NAIF1: variants seen among roughly 807,000 people sequenced by gnomAD.
The protein encoded by NAIF1 is nuclear apoptosis-inducing factor 1.
A neutral mutation model predicts 20.7 loss-of-function variants in NAIF1; 14 were observed. The observed-to-expected ratio is 0.67, with a 90% confidence interval of 0.45 to 1.05. The LOEUF is 1.05. Ranked by LOEUF, NAIF1 falls within the 50% of genes least tolerant of loss-of-function variation. The probability of loss-of-function intolerance (pLI) is 0.00; values close to 1 mark genes in which losing one functional copy is unlikely to be tolerated. For missense variants in NAIF1, 362 were observed against 448.8 expected, an observed-to-expected ratio of 0.81 and a Z score of 1.75; for synonymous variants, 191 against 191.4, an observed-to-expected ratio of 1.00 and a Z score of 0.02.
intron 1 of NAIF1, among the ~76,000 whole-genome samples, chr9:128,065,389 T>C (rs1832766358): frequency 6.6e-6 from 1 of 152,098 alleles, no homozygotes; most frequent in Admixed American, 6.6e-5. Flanking sequence ...AGTGCTGGGA[T>C]TACAGGAGTG....
Position 128,062,784 on chromosome 9 carries a change from AT to A in NAIF1, c.*643del, listed in dbSNP as rs1455162215. 4 of 154,248 alleles carry A rather than the reference AT, an allele frequency of 2.6e-5. No homozygotes were observed. Among genetic ancestry groups the A allele is most frequent in the African/African-American group, 9.7e-5 (4 of 41,418 alleles). The allele number at this position is 154,248 out of a possible 1,614,324, so 9.6% of individuals were successfully genotyped here. ...CCAAACCGTCCCCACCATACACAGC[AT>A]TCCTGAGCCAGACTGGCTGCACACT... On this transcript the variant is annotated 3_prime_UTR_variant, in exon 2 of 2. Coordinates refer to ENST00000373078, the MANE Select transcript of NAIF1 (RefSeq NM_197956.4).
At chr9:128,066,081 GATGAATGAATGA>G (rs111280567) in intron 1 of NAIF1, 1 of 153,210 alleles carries the variant, frequency 6.5e-6, no homozygotes, top group East Asian at 1.9e-4. Context: ...GCTAATGTTT[GATGAATGAATGA>G]ATGAATGAAT....
At chr9:128,066,095 T>C (rs1832774030) in intron 1 of NAIF1, 1 of 154,410 alleles carries the variant, frequency 6.5e-6, no homozygotes, top group Non-Finnish European at 1.4e-5. Context: ...AATGAATGAA[T>C]GAATGAATGG....
rs1832787536 is a variant in NAIF1 at position 128,066,780 on chromosome 9, C to T, written c.322G>A (p.Gly108Arg). ...CCGCCACCACTGCCACCGCCTGTCCCAGGCCCCCCAGCTCCGTCCTCCTCA... is the reference window on the plus strand; with the variant it reads ...CCGCCACCACTGCCACCGCCTGTCCTAGGCCCCCCAGCTCCGTCCTCCTCA... ...PTEEDGAGGP[G>R]TGGGSGGGGP... Residue 108 changes from glycine (G) to arginine (R), a missense_variant, in exon 1 of 2, where the codon GGG becomes AGG. This residue lies in a region of NAIF1 where 300 missense variants were observed against 342.7 expected (regional missense o/e 0.88). Coordinates refer to ENST00000373078, the MANE Select transcript of NAIF1 (RefSeq NM_197956.4). 10 of 1,609,780 alleles carry T rather than the reference C, an allele frequency of 6.2e-6. No homozygotes were observed. Among genetic ancestry groups the T allele is most frequent in the African/African-American group, 2.7e-5 (2 of 74,890 alleles).
At position 128,061,264 on chromosome 9, in the gene NAIF1, A is replaced by T. The variant is rs773049669; in HGVS notation, c.*2164T>A. 1.3e-5 allele frequency: 2 copies of T among 152,208 alleles called. No homozygotes were observed. Among genetic ancestry groups the T allele is most frequent in the African/African-American group, 2.4e-5 (1 of 41,454 alleles). 9.4% of individuals were successfully genotyped at this position (152,208 alleles called of 1,614,324 possible). On this transcript the variant is annotated 3_prime_UTR_variant, in exon 2 of 2. Coordinates refer to ENST00000373078, the MANE Select transcript of NAIF1 (RefSeq NM_197956.4). The stretch of plus-strand genomic sequence containing the variant: ...TAAAAAAGTGATATGTCTTTAATTT[A>T]AAATTATGACCCGGAAATAACTAGT...
chr9:128,067,300 G>A lies in NAIF1; in HGVS notation c.-199C>T, dbSNP rs1832799298. 5.5e-6 allele frequency: 3 copies of A among 546,478 alleles called. No homozygotes were observed. The highest frequency in any genetic ancestry group is 6.1e-6 in the Non-Finnish European group (2 of 326,014). The allele number at this position is 546,478 out of a possible 1,614,324, so 33.9% of individuals were successfully genotyped here. On this transcript the variant is annotated 5_prime_UTR_variant, in exon 1 of 2. Coordinates refer to ENST00000373078, the MANE Select transcript of NAIF1 (RefSeq NM_197956.4). ...GGGCCCAGCCCCGACCGGCCCGGCC[G>A]CTGCCAGCCAGCAGCGTAATGGCTT...
Position 128,066,879 on chromosome 9 carries a change from G to T in NAIF1, c.223C>A (p.Leu75Ile). 1 of 1,613,114 alleles carries T rather than the reference G, an allele frequency of 6.2e-7. No individual in the cohort carries two copies. The highest frequency in any genetic ancestry group is 8.5e-7 in the Non-Finnish European group (1 of 1,180,004). Residue 75 changes from leucine to isoleucine, a missense_variant, in exon 1 of 2, where the codon CTC (leucine) becomes ATC (isoleucine). Coordinates refer to ENST00000373078, the MANE Select transcript of NAIF1 (RefSeq NM_197956.4). ...ACCTTGCGACGGACCTCGGTCTTGA[G>T]GTCAGACCACTTCTTCTTGACCTCA... Reference protein sequence around the residue: ...LPEVKKKWSDLKTEVRRKVAQ... With the variant: ...LPEVKKKWSDIKTEVRRKVAQ...
Position 128,066,922 on chromosome 9 carries a change from G to C in NAIF1, c.180C>G (p.Thr60=), listed in dbSNP as rs759424454. The change falls in exon 1 of 2, where the codon ACC becomes ACG. Residue 60 remains threonine, a synonymous_variant. Coordinates refer to ENST00000373078, the MANE Select transcript of NAIF1 (RefSeq NM_197956.4). The part of the protein sequence containing the change: ...GILRRVNAVA[T]CRRELPEVKK... ...TGACCTCAGGCAGCTCTCTGCGGCA[G>C]GTGGCCACGGCGTTGACCCTTCTCA... 4 of 1,612,908 alleles carry C rather than the reference G, an allele frequency of 2.5e-6. No individual in the cohort carries two copies. The highest frequency in any genetic ancestry group is 1.7e-5 in the Admixed American group (1 of 60,036).
At chr9:128,065,591 G>A (rs1379959688) in intron 1 of NAIF1, among the ~76,000 whole-genome samples, 2 of 152,120 alleles carry the variant, frequency 1.3e-5, no homozygotes, top group Middle Eastern at 3.4e-3. Flanking sequence ...ACCTAGACCC[G>A]TGTTTGTCCC....
intron 1 of NAIF1, among the ~76,000 whole-genome samples, chr9:128,064,633 A>G (rs1832757872): frequency 1.3e-5 from 2 of 152,154 alleles, no homozygotes; most frequent in South Asian, 4.1e-4. Flanking sequence ...AGCAGAGCCA[A>G]GAGGCAAACC....
intron 1 of NAIF1, among the ~76,000 whole-genome samples, chr9:128,065,825 C>A (rs1052654292): frequency 6.6e-6 from 1 of 152,158 alleles, no homozygotes; most frequent in Non-Finnish European, 1.5e-5. Flanking sequence ...AGGATCCTGG[C>A]TGGGCTGTAT....
At chr9:128,066,471 T>TG (rs1832780397) in intron 1 of NAIF1, 120 bp downstream of exon 1, 2 of 1,080,438 alleles carry the variant, frequency 1.9e-6, no homozygotes, top group Non-Finnish European at 2.5e-6. Context: ...GAAGGCCTCA[T>TG]GGTCTTCCAA....
In NAIF1 at chr9:128,063,342, T is replaced by G; in HGVS notation, c.*86A>C. ...GAGGGAGCTGTGCACGTGGCCGGTC[T>G]AAGGCCAAGGCCAATCACAGGACCC... On this transcript the variant is annotated 3_prime_UTR_variant, in exon 2 of 2. Coordinates refer to ENST00000373078, the MANE Select transcript of NAIF1 (RefSeq NM_197956.4). This position sits in a 1 kb window ranked among gnomAD's most constrained non-coding sequence, Gnocchi z 4.3. The G allele has an allele frequency of 7.6e-7, 1 of 1,307,244 alleles. No individual in the cohort carries two copies. Among genetic ancestry groups the G allele is most frequent in the Non-Finnish European group, 1.1e-6 (1 of 939,898 alleles). 81.0% of individuals were successfully genotyped at this position (1,307,244 alleles called of 1,614,324 possible). A position where few individuals can be genotyped will look rare whatever the true frequency, so the allele number is the denominator to read the frequency against.
Position 128,062,000 on chromosome 9 carries a change from GT to G in NAIF1, c.*1427del, listed in dbSNP as rs571887290. 3 of 148,690 alleles carry G rather than the reference GT, an allele frequency of 2.0e-5. No individual in the cohort carries two copies. Among genetic ancestry groups the G allele is most frequent in the South Asian group, 2.1e-4 (1 of 4,682 alleles). 9.2% of individuals were successfully genotyped at this position (148,690 alleles called of 1,614,324 possible). Reference sequence around the variant, plus strand: ...CATTTGTTTTTTTGGTTTTTTCTTTGTTTTTTTTTTGAGACAGAGTCTCGCT... The same window carrying G: ...CATTTGTTTTTTTGGTTTTTTCTTTGTTTTTTTTTGAGACAGAGTCTCGCT... On this transcript the variant is annotated 3_prime_UTR_variant, in exon 2 of 2. Transcript: ENST00000373078.
chr9:128,061,976 A>C lies in NAIF1; in HGVS notation c.*1452T>G, dbSNP rs1832722774. On this transcript the variant is annotated 3_prime_UTR_variant, in exon 2 of 2. Coordinates refer to ENST00000373078, the MANE Select transcript of NAIF1 (RefSeq NM_197956.4). ...CTGAGCATAGAATCCAAAGGGTCCCATTTGTTTTTTTGGTTTTTTCTTTGT... is the reference window on the plus strand; with the variant it reads ...CTGAGCATAGAATCCAAAGGGTCCCCTTTGTTTTTTTGGTTTTTTCTTTGT... 1 of 151,774 alleles carries C rather than the reference A, an allele frequency of 6.6e-6. No individual in the cohort carries two copies. The allele number at this position is 151,774 out of a possible 1,614,324, so 9.4% of individuals were successfully genotyped here.
chr9:128,065,706 C>T lies in NAIF1; in HGVS notation c.511+885G>A, dbSNP rs369755221. On this transcript the variant is annotated intron_variant, in intron 1 of 1. Transcript: ENST00000373078. ...CCCCCACTGAGAATCACTGAATGAT[C>T]CAGCTCACGGTCATCACAAACGAGC... is the stretch of plus-strand genomic sequence containing the variant. Among the ~76,000 whole-genome samples, 161 of 151,134 alleles carry T rather than the reference C, an allele frequency of 1.1e-3. 1 individual carries two copies. The highest frequency in any genetic ancestry group is 0.01 in the Middle Eastern group (3 of 294).
In NAIF1 at chr9:128,067,044, T is replaced by G. The variant is rs769722597; in HGVS notation, c.58A>C (p.Ile20Leu). ...TTCTTCAGCTCCAGCTCCTCCACGA[T>G]GATCTCCACCTCCCGCTCTGAGAAG... ...MNFSEREVEI[I>L]VEELELKKHL... The change falls in exon 1 of 2, where the codon ATC becomes CTC. Residue 20 changes from isoleucine to leucine, a missense_variant. Coordinates refer to ENST00000373078, the MANE Select transcript of NAIF1 (RefSeq NM_197956.4). The G allele has an allele frequency of 8.7e-6, 14 of 1,613,300 alleles. No homozygotes were observed. The Middle Eastern group carries it at 1.6e-3, about 190-fold the overall frequency.
At chr9:128,066,472 G>T (rs1832780315) in intron 1 of NAIF1, 119 bp downstream of exon 1, 2 of 1,095,910 alleles carry the variant, frequency 1.8e-6, no homozygotes, top group Non-Finnish European at 2.5e-6. Flanking sequence ...AAGGCCTCAT[G>T]GTCTTCCAAG....
At chr9:128,064,973 A>AAAAGAAAGAAAG (rs59813204) in intron 1 of NAIF1, among the ~76,000 whole-genome samples, 2 of 149,578 alleles carry the variant, frequency 1.3e-5, no homozygotes, top group Non-Finnish European at 3.0e-5. Context: ...TCCATCTCAT[A>AAAAGAAAGAAAG]AAAGAAAGAA....
Sources: allele counts gnomAD v4.1 joint callset (sites outside exome capture counted in the v4.1 genomes callset), GRCh38; gene constraint gnomAD v4.1.1; regional missense constraint gnomAD v4.1.1; non-coding constraint Gnocchi (gnomAD v3.1); transcripts MANE v1.5; gene names NCBI Gene and HGNC (gene_info 2026-07-23, HGNC 2026-07-21).